Variants in LRP2 observed in about 807,000 individuals in gnomAD.
LRP2 encodes the protein LDL receptor related protein 2.
A neutral mutation model predicts 531.0 loss-of-function variants in LRP2; 172 were observed. That is an observed-to-expected ratio of 0.32 (90% CI 0.29 to 0.37). LRP2 has a LOEUF of 0.37. Among genes scored for constraint, LRP2 ranks in the 10% least tolerant of loss-of-function variants. The pLI, the probability that LRP2 is intolerant of heterozygous loss-of-function variation, is 1.00. For missense variants in LRP2, 5,167 were observed against 5,868.3 expected (o/e 0.88, Z 3.90); for synonymous variants, 1,992 against 2,027.6 (o/e 0.98, Z 0.47).
chr2:169,255,645 A>G (rs1413826217), intron 19 of LRP2, among the ~76,000 whole-genome samples: 1 of 152,222 alleles, frequency 6.6e-6, no homozygotes, highest in African/African-American at 2.4e-5. Context: ...CAGTCAGCAT[A>G]TAGTTGATGA....
intron 4 of LRP2, among the ~76,000 whole-genome samples, chr2:169,298,006 G>A (rs909964862): frequency 3.3e-5 from 5 of 150,342 alleles, no homozygotes; most frequent in Non-Finnish European, 5.9e-5. Context: ...AGAAATTACC[G>A]ATACAAGTCC....
intron 16 of LRP2, among the ~76,000 whole-genome samples, chr2:169,268,596 T>A (rs954321544): frequency 6.6e-6 from 1 of 152,210 alleles, no homozygotes; most frequent in East Asian, 1.9e-4. Flanking sequence ...ATTGATGGGA[T>A]GTATCTCAAA....
chr2:169,231,130 C>CA (rs989280886), intron 31 of LRP2, among the ~76,000 whole-genome samples: 13 of 151,974 alleles, frequency 8.6e-5, no homozygotes, highest in African/African-American at 3.1e-4. Context: ...CCGGTCTCTA[C>CA]AAAAAATACA....
chr2:169,172,173 G>T (rs1574094517), intron 57 of LRP2, 39 bp from the exon 58 acceptor site: 2 of 1,612,890 alleles, frequency 1.2e-6, no homozygotes, highest in Non-Finnish European at 1.7e-6. Context: ...TAAACCATTG[G>T]CAGAGAAATG....
In LRP2 at chr2:169,128,697, G is replaced by A; in HGVS notation, c.13934C>T (p.Thr4645Ile). 5 of 1,614,112 alleles carry A rather than the reference G, an allele frequency of 3.1e-6. No individual in the cohort carries two copies. The highest frequency in any genetic ancestry group is 1.7e-5 in the Admixed American group (1 of 60,016). ...YSATEDTFKD[T>I]ANLVKEDSEV Reference sequence around the variant, plus strand: ...AGAGTCTTCTTTAACAAGATTTGCGGTGTCTTTAAAAGTGTCTTCTGTTGC... The same window carrying A: ...AGAGTCTTCTTTAACAAGATTTGCGATGTCTTTAAAAGTGTCTTCTGTTGC... Residue 4645 changes from threonine to isoleucine, a missense_variant, in exon 79 of 79, where the codon ACC becomes ATC. Thr to Ile is a moderately conservative substitution (Grantham distance 89). This residue lies in a region of LRP2 where 348 missense variants were observed against 369.3 expected (regional missense o/e 0.94). Transcript: ENST00000649046.
At chr2:169,173,037 T>C (rs1213521981) in intron 57 of LRP2, 59 bp downstream of exon 57, 8 of 1,598,622 alleles carry the variant, frequency 5.0e-6, no homozygotes, top group Admixed American at 1.7e-5. Flanking sequence ...ATCTAATAAA[T>C]GGCACTTGAC....
At chr2:169,345,076 A>C (rs934762711) in intron 1 of LRP2, among the ~76,000 whole-genome samples, 1 of 152,252 alleles carries the variant, frequency 6.6e-6, no homozygotes, top group Non-Finnish European at 1.5e-5. Context: ...TAATTGATTT[A>C]AGTCACCTGA....
At chr2:169,294,373 T>C (rs886546960) in intron 5 of LRP2, 112 bp from the exon 6 acceptor site, 22 of 790,634 alleles carry the variant, frequency 2.8e-5, no homozygotes, top group African/African-American at 5.1e-5. Flanking sequence ...TATTAAGCAG[T>C]GGTGTGCTGG....
In LRP2 at chr2:169,173,804, G is replaced by C. The variant is rs1687086441; in HGVS notation, c.11014+115C>G. On this transcript the variant is annotated intron_variant, in intron 56 of 78. Transcript: ENST00000649046. ...TGCCAGAGTTTGCAGGGAGTGCCAA[G>C]GGGGAGCATCCCATCAGCTGAAAAA... 5 of 1,437,000 alleles carry C rather than the reference G, an allele frequency of 3.5e-6. No individual in the cohort carries two copies. In the South Asian group the frequency reaches 5.8e-5, roughly 17 times the overall value. 89.0% of individuals were successfully genotyped at this position (1,437,000 alleles called of 1,614,324 possible).
intron 34 of LRP2, among the ~76,000 whole-genome samples, chr2:169,217,983 T>G (rs1054101602): frequency 1.3e-5 from 2 of 152,178 alleles, no homozygotes; most frequent in African/African-American, 4.8e-5. Flanking sequence ...TTCTTTTAAC[T>G]TCTACTATCT....
intron 64 of LRP2, 75 bp downstream of exon 64, chr2:169,157,296 T>A: frequency 6.9e-7 from 1 of 1,450,814 alleles, no homozygotes; most frequent in Non-Finnish European, 9.6e-7. Flanking sequence ...AGTGATTTAT[T>A]TAACAAAGGG....
At chr2:169,323,851 AT>A (rs531525696) in intron 1 of LRP2, among the ~76,000 whole-genome samples, 165 of 8,040 alleles carry the variant, frequency 0.021, no homozygotes, top group Admixed American at 0.09. Flanking sequence ...GGGCTGCCTG[AT>A]TAAAAAAAAA....
At chr2:169,218,036 C>A (rs1688858515) in intron 34 of LRP2, among the ~76,000 whole-genome samples, 1 of 152,178 alleles carries the variant, frequency 6.6e-6, no homozygotes, top group South Asian at 2.1e-4. Flanking sequence ...GACCCTGTAA[C>A]TGCCTCAGCT....
chr2:169,198,736 C>G (rs770789951), intron 45 of LRP2, 50 bp downstream of exon 45: 1 of 1,605,652 alleles, frequency 6.2e-7, no homozygotes, highest in South Asian at 1.1e-5. Flanking sequence ...TATTAGCTCA[C>G]AACATGCATC....
chr2:169,304,696 T>A (rs1684368562), intron 4 of LRP2, among the ~76,000 whole-genome samples: 1 of 152,126 alleles, frequency 6.6e-6, no homozygotes, highest in Admixed American at 6.5e-5. Flanking sequence ...TTGCATAATT[T>A]CCAGAGTGAA....
intron 21 of LRP2, among the ~76,000 whole-genome samples, chr2:169,245,361 G>A (rs1373982350): frequency 2.0e-5 from 3 of 152,076 alleles, no homozygotes; most frequent in Non-Finnish European, 2.9e-5. Flanking sequence ...ACTATAGAAA[G>A]CTTGAAAATA....
chr2:169,188,147 A>G lies in LRP2; in HGVS notation c.9151T>C (p.Cys3051Arg). 1 of 1,614,116 alleles carries G rather than the reference A, an allele frequency of 6.2e-7. No individual in the cohort carries two copies. The highest frequency in any genetic ancestry group is 8.5e-7 in the Non-Finnish European group (1 of 1,180,016). The change falls in exon 49 of 79, where the codon TGT becomes CGT. Residue 3051 changes from cysteine to arginine, a missense_variant. Physicochemically the swap from Cys to Arg is radical, Grantham distance 180 (BLOSUM62 -3). Coordinates refer to ENST00000649046, the MANE Select transcript of LRP2 (RefSeq NM_004525.3). Reference sequence around the variant, plus strand: ...TCTCCACAGTCATTATCCTCATCACAGACGAAGGTTTTACTAATGCAGCGC... The same window carrying G: ...TCTCCACAGTCATTATCCTCATCACGGACGAAGGTTTTACTAATGCAGCGC... ...NGRCISKTFV[C>R]DEDNDCGDGS...
chr2:169,191,004 C>T (rs912702179), intron 48 of LRP2, among the ~76,000 whole-genome samples: 1 of 152,196 alleles, frequency 6.6e-6, no homozygotes, highest in African/African-American at 2.4e-5. Flanking sequence ...AACAATGGAA[C>T]ATTGCAGGAG....
chr2:169,319,845 G>A (rs1468423482), intron 2 of LRP2, among the ~76,000 whole-genome samples: 1 of 152,192 alleles, frequency 6.6e-6, no homozygotes, highest in African/African-American at 2.4e-5. Flanking sequence ...AGTATTTGAG[G>A]AGCACTGTAC....
Sources: gnomAD v4.1 joint callset for allele counts (sites outside exome capture counted in the v4.1 genomes callset) on GRCh38, gnomAD v4.1.1 for gene constraint, gnomAD v4.1.1 regional missense constraint, MANE v1.5 for transcripts, NCBI Gene and HGNC (gene_info 2026-07-23, HGNC 2026-07-21) for gene names.